FANCL: variants seen among roughly 807,000 people sequenced by gnomAD.
The protein encoded by FANCL is E3 ubiquitin-protein ligase FANCL.
FANCL carries 69 observed loss-of-function variants against 59.4 expected under a neutral mutation model. The ratio of observed to expected loss-of-function variants is 1.16; its 90% CI spans 0.96 to 1.42. The LOEUF is 1.42. FANCL is among the 40% of genes most tolerant of loss of function. The probability of loss-of-function intolerance (pLI) is 0.00; values close to 1 mark genes in which losing one functional copy is unlikely to be tolerated. For synonymous variants in FANCL, 180 were observed against 147.1 expected, an observed-to-expected ratio of 1.22 and a Z score of -1.62; for missense variants, 519 against 447.2, an observed-to-expected ratio of 1.16 and a Z score of -1.45.
intron 7 of FANCL, among the ~76,000 whole-genome samples, chr2:58,181,746 G>C (rs939166160): frequency 1.3e-5 from 2 of 151,768 alleles, no homozygotes; most frequent in African/African-American, 4.8e-5. Flanking sequence ...AATGTTTCTT[G>C]TATGTCAGAA....
At chr2:58,202,239 T>TAAAAAAAAAAAAAAAAAAAAAAAA (rs5831491) in intron 6 of FANCL, among the ~76,000 whole-genome samples, 1 of 106,094 alleles carries the variant, frequency 9.4e-6, no homozygotes, top group Non-Finnish European at 1.8e-5. Context: ...ACCTTTTTCC[T>TAAAAAAAAAAAAAAAAAAAAAAAA]AAAAAAAAAA....
At chr2:58,208,672 C>T (rs1485040748) in intron 5 of FANCL, among the ~76,000 whole-genome samples, 1 of 152,148 alleles carries the variant, frequency 6.6e-6, no homozygotes, top group Non-Finnish European at 1.5e-5. Flanking sequence ...TTGAATAAAG[C>T]ATCCAAGTTT....
At position 58,228,013 on chromosome 2, in the gene FANCL, T is replaced by A. The variant is rs536722013; in HGVS notation, c.217-1229A>T. On this transcript the variant is annotated intron_variant, in intron 3 of 13. Coordinates refer to ENST00000233741, the MANE Select transcript of FANCL (RefSeq NM_018062.4). ...AATATAAAAATCAGGCAACTCTATG[T>A]AATTTTTAAAATCTAGTGGCAGCAA... 3.5e-4 allele frequency among the ~76,000 whole-genome samples: 54 copies of A among 152,312 alleles called. No individual in the cohort carries two copies. In the South Asian group the frequency reaches 0.011, roughly 31 times the overall value.
At chr2:58,231,982 A>C in intron 2 of FANCL, 72 bp downstream of exon 2, 1 of 1,276,236 alleles carries the variant, frequency 7.8e-7, no homozygotes, top group Non-Finnish European at 1.1e-6. Context: ...CACTAGAATC[A>C]ATTTATACCA....
chr2:58,216,674 A>G (rs1434074608), intron 5 of FANCL, among the ~76,000 whole-genome samples: 3 of 152,174 alleles, frequency 2.0e-5, no homozygotes, highest in East Asian at 1.9e-4. Flanking sequence ...ATGCCAAAAT[A>G]TAAGATCATA....
Position 58,162,978 on chromosome 2 carries a change from G to C in FANCL, c.822-31C>G, listed in dbSNP as rs748425411. On this transcript the variant is annotated intron_variant, in intron 10 of 13. Transcript: ENST00000233741. ...AGCATGGGGAAAAAAATTATGCTGT[G>C]AACTTTGTAAAATCACCAAAAAGTA... The C allele has an allele frequency of 5.6e-6, 9 of 1,611,692 alleles. No individual in the cohort carries two copies. The South Asian group carries it at 9.9e-5, about 18-fold the overall frequency.
chr2:58,179,964 TG>T (rs1331913631), intron 7 of FANCL, among the ~76,000 whole-genome samples: 2 of 151,908 alleles, frequency 1.3e-5, no homozygotes, highest in African/African-American at 4.8e-5. Context: ...AACAAACATA[TG>T]AAAAAAAGCT....
At chr2:58,232,773 C>G (rs530162727) in intron 1 of FANCL, among the ~76,000 whole-genome samples, 1 of 151,956 alleles carries the variant, frequency 6.6e-6, no homozygotes, top group Non-Finnish European at 1.5e-5. Context: ...TTCCATTTTA[C>G]TTTCTTGGAA....
intron 7 of FANCL, among the ~76,000 whole-genome samples, chr2:58,182,296 T>C (rs1688009895): frequency 1.3e-5 from 2 of 151,846 alleles, no homozygotes; most frequent in African/African-American, 2.4e-5. Flanking sequence ...ACAGCCTTTA[T>C]ACTGGGACTT....
At chr2:58,224,424 C>A (rs1231949894) in intron 4 of FANCL, among the ~76,000 whole-genome samples, 1 of 151,404 alleles carries the variant, frequency 6.6e-6, no homozygotes, top group Admixed American at 6.6e-5. Context: ...GTTTGATAAC[C>A]CTTATTAATT....
intron 7 of FANCL, among the ~76,000 whole-genome samples, chr2:58,173,188 A>G (rs991927996): frequency 2.0e-5 from 3 of 152,234 alleles, no homozygotes; most frequent in African/African-American, 7.2e-5. Context: ...GACGAGGACA[A>G]TGGAACCAAG....
At chr2:58,219,140 T>TAAAAAAAAAAAAAAAAAAAAAAAAAAAAA (rs70954881) in intron 5 of FANCL, among the ~76,000 whole-genome samples, 1 of 16,604 alleles carries the variant, frequency 6.0e-5, no homozygotes, top group Non-Finnish European at 1.3e-4. Flanking sequence ...AAATACATGC[T>TAAAAAAAAAAAAAAAAAAAAAAAAAAAAA]AAAAAAAAAA....
intron 7 of FANCL, among the ~76,000 whole-genome samples, chr2:58,188,286 T>A (rs7578766): frequency 1.1e-3 from 164 of 152,320 alleles, no homozygotes; most frequent in Middle Eastern, 3.4e-3. Flanking sequence ...AAATACCATA[T>A]TATCCTGAAA....
intron 7 of FANCL, 75 bp downstream of exon 7, chr2:58,198,519 C>G: frequency 8.1e-7 from 1 of 1,240,616 alleles, no homozygotes; most frequent in Admixed American, 1.7e-5. Flanking sequence ...AATAATCCCC[C>G]CATGGATACT....
chr2:58,162,983 T>A (rs1179503837), intron 10 of FANCL, 36 bp from the exon 11 acceptor site: 32 of 1,612,344 alleles, frequency 2.0e-5, no homozygotes, highest in Non-Finnish European at 2.5e-5. Flanking sequence ...GCTGTGAACT[T>A]TGTAAAATCA....
chr2:58,223,386 T>G (rs915501683), intron 4 of FANCL, among the ~76,000 whole-genome samples: 1 of 151,978 alleles, frequency 6.6e-6, no homozygotes, highest in African/African-American at 2.4e-5. Flanking sequence ...TATAGTATAG[T>G]ACTTCTTTCA....
At chr2:58,210,400 A>G (rs2105194750) in intron 5 of FANCL, among the ~76,000 whole-genome samples, 1 of 152,328 alleles carries the variant, frequency 6.6e-6, no homozygotes, top group East Asian at 1.9e-4. Context: ...TACCATGAGA[A>G]CAATATGGGG....
chr2:58,169,085 A>G (rs1100191), intron 7 of FANCL, among the ~76,000 whole-genome samples: 109,537 of 152,138 alleles, frequency 0.72, 40,514 homozygotes, highest in African/African-American at 0.9. Context: ...TCCCACCACA[A>G]CACTCGAGCT....
chr2:58,166,902 A>G (rs1463373072), intron 7 of FANCL, among the ~76,000 whole-genome samples: 1 of 152,200 alleles, frequency 6.6e-6, no homozygotes, highest in African/African-American at 2.4e-5. Flanking sequence ...CAACTGTTCT[A>G]ACCTTCTACA....
Sources: gnomAD v4.1 joint callset for allele counts (sites outside exome capture counted in the v4.1 genomes callset) on GRCh38, gnomAD v4.1.1 for gene constraint, MANE v1.5 for transcripts, NCBI Gene and HGNC (gene_info 2026-07-23, HGNC 2026-07-21) for gene names.